SMYD3: variants seen among roughly 807,000 people sequenced by gnomAD.
The protein encoded by SMYD3 is histone-lysine N-methyltransferase SMYD3.
SMYD3 carries 36 observed loss-of-function variants against 57.7 expected under a neutral mutation model. The ratio of observed to expected loss-of-function variants is 0.62; its 90% CI spans 0.48 to 0.82. The LOEUF is 0.82. Among genes scored for constraint, SMYD3 ranks in the 40% least tolerant of loss-of-function variants. The pLI, the probability that SMYD3 is intolerant of heterozygous loss-of-function variation, is 0.00. For synonymous variants in SMYD3, 211 were observed against 195.0 expected, an observed-to-expected ratio of 1.08 and a Z score of -0.68; for missense variants, 515 against 538.8, an observed-to-expected ratio of 0.96 and a Z score of 0.44.
chr1:246,456,736 A>T (rs920127210), intron 1 of SMYD3, among the ~76,000 whole-genome samples: 1 of 152,238 alleles, frequency 6.6e-6, no homozygotes, highest in African/African-American at 2.4e-5. Flanking sequence ...AGTGATAGCC[A>T]AAATCCAAAG....
At chr1:246,224,762 A>C (rs1387544336) in intron 5 of SMYD3, among the ~76,000 whole-genome samples, 1 of 152,116 alleles carries the variant, frequency 6.6e-6, no homozygotes, top group Non-Finnish European at 1.5e-5. Flanking sequence ...AGAAAATGTT[A>C]ATAGGACTTG....
chr1:245,761,700 A>G lies in SMYD3; in HGVS notation c.1185+2341T>C, dbSNP rs146955458. ...TATTTAACTGGACCAGTCTAGAGGA[A>G]AAGAGCAGAGCCTTGGTTTCTGGCC... On this transcript the variant is annotated intron_variant, in intron 11 of 11. Transcript: ENST00000490107. Among the ~76,000 whole-genome samples the G allele has an allele frequency of 3.1e-3, 477 of 152,254 alleles. 1 individual carries two copies. The highest frequency in any genetic ancestry group is 0.021 in the Middle Eastern group (6 of 292).
At chr1:245,963,457 T>C (rs2058061575) in intron 5 of SMYD3, among the ~76,000 whole-genome samples, 1 of 151,938 alleles carries the variant, frequency 6.6e-6, no homozygotes, top group African/African-American at 2.4e-5. Context: ...GCTGGGGGTC[T>C]AGAATGAACA....
chr1:246,158,244 T>C (rs2062053914), intron 5 of SMYD3, among the ~76,000 whole-genome samples: 1 of 152,184 alleles, frequency 6.6e-6, no homozygotes, highest in East Asian at 1.9e-4. Context: ...ATGAAACAGC[T>C]CCGTTGGTTT....
chr1:246,146,169 G>A (rs972501315), intron 5 of SMYD3, among the ~76,000 whole-genome samples: 4 of 152,270 alleles, frequency 2.6e-5, no homozygotes, highest in Non-Finnish European at 2.9e-5. Context: ...CATGTTCTCC[G>A]ATAAGGAAAA....
chr1:246,102,886 A>G (rs1296683497), intron 5 of SMYD3, among the ~76,000 whole-genome samples: 3 of 152,174 alleles, frequency 2.0e-5, no homozygotes, highest in African/African-American at 2.4e-5. Context: ...CCCTGTCTCT[A>G]TCAAAACAAA....
rs143885627 is a variant in SMYD3, at chr1:246,090,518, C to CTTTTT, written c.532-160582_532-160581insAAAAA. Among the ~76,000 whole-genome samples, 4 of 121,762 alleles carry CTTTTT rather than the reference C, an allele frequency of 3.3e-5. 1 individual carries two copies. Among genetic ancestry groups the CTTTTT allele is most frequent in the Non-Finnish European group, 1.6e-5 (1 of 62,210 alleles). 79.9% of individuals were successfully genotyped at this position (121,762 alleles called of 152,430 possible). A position where few individuals can be genotyped will look rare whatever the true frequency, so the allele number is the denominator to read the frequency against. ...GAGAGAGAGCTGTTTTTCTTTCTCT[C>CTTTTT]TCTCTTTTTTTTTTTTTTAGATGGA... On this transcript the variant is annotated intron_variant, in intron 5 of 11. Coordinates refer to ENST00000490107, the MANE Select transcript of SMYD3 (RefSeq NM_001167740.2).
At chr1:245,797,596 G>A (rs566040712) in intron 10 of SMYD3, among the ~76,000 whole-genome samples, 3 of 151,740 alleles carry the variant, frequency 2.0e-5, no homozygotes, top group Non-Finnish European at 4.4e-5. Context: ...AATGGGTGCA[G>A]CACACCAACA....
chr1:246,432,289 G>T (rs766919541), intron 1 of SMYD3, among the ~76,000 whole-genome samples: 2 of 152,016 alleles, frequency 1.3e-5, no homozygotes, highest in Admixed American at 6.6e-5. Context: ...ATTTAACTTG[G>T]CTATCTTTAA....
chr1:245,938,030 T>C (rs373231915), intron 5 of SMYD3, among the ~76,000 whole-genome samples: 24 of 152,366 alleles, frequency 1.6e-4, no homozygotes, highest in East Asian at 1.3e-3. Flanking sequence ...AAGGTAAGAC[T>C]GCACACTAAT....
chr1:245,849,043 A>G (rs1312981916), intron 10 of SMYD3, among the ~76,000 whole-genome samples: 1 of 152,230 alleles, frequency 6.6e-6, no homozygotes, highest in African/African-American at 2.4e-5. Flanking sequence ...GGGCTGGGTG[A>G]AAGCTATAGC....
intron 1 of SMYD3, among the ~76,000 whole-genome samples, chr1:246,408,403 T>A (rs1237359584): frequency 1.3e-5 from 2 of 152,128 alleles, no homozygotes; most frequent in African/African-American, 4.8e-5. Flanking sequence ...TAAAAAGGGG[T>A]TTTGTGCTTA....
chr1:246,070,075 T>G (rs2060416545), intron 5 of SMYD3, among the ~76,000 whole-genome samples: 2 of 152,130 alleles, frequency 1.3e-5, no homozygotes, highest in South Asian at 4.2e-4. Flanking sequence ...CTGCCCGTCC[T>G]AGACTATCTT....
intron 5 of SMYD3, among the ~76,000 whole-genome samples, chr1:246,277,856 G>C (rs1004725491): frequency 6.6e-6 from 1 of 152,178 alleles, no homozygotes; most frequent in Non-Finnish European, 1.5e-5. Flanking sequence ...AGTGGTTGCT[G>C]CAGCCAGACG....
At chr1:245,945,252 G>C (rs972627606) in intron 5 of SMYD3, among the ~76,000 whole-genome samples, 1 of 152,098 alleles carries the variant, frequency 6.6e-6, no homozygotes, top group African/African-American at 2.4e-5. Flanking sequence ...CTAATGTCCA[G>C]AGTCTACAAG....
chr1:245,959,432 A>T (rs2057942598), intron 5 of SMYD3, among the ~76,000 whole-genome samples: 1 of 152,200 alleles, frequency 6.6e-6, no homozygotes, highest in East Asian at 1.9e-4. Context: ...ATAGTTAGAA[A>T]ACCTGGGTTC....
In SMYD3 at chr1:245,764,129, T is replaced by C. The variant is rs770069752; in HGVS notation, c.1097A>G (p.His366Arg). The change falls in exon 11 of 12, where the codon CAT becomes CGT. Residue 366 changes from histidine (H) to arginine (R), a missense_variant. His to Arg is a conservative substitution (Grantham distance 29). Coordinates refer to ENST00000490107, the MANE Select transcript of SMYD3 (RefSeq NM_001167740.2). ...EPYRIFFPGS[H>R]PVRGVQVMKV... ...CATCACTTGAACCCCTCTGACGGGA[T>C]GGCTTCCTGGGAAAAAAATCCTGGA... is the stretch of plus-strand genomic sequence containing the variant. The C allele has an allele frequency of 5.0e-6, 8 of 1,613,788 alleles. No individual in the cohort carries two copies. The African/African-American group carries it at 8.0e-5, about 16-fold the overall frequency.
intron 10 of SMYD3, among the ~76,000 whole-genome samples, chr1:245,764,622 G>A (rs752915306): frequency 1.3e-5 from 2 of 150,830 alleles, no homozygotes; most frequent in Non-Finnish European, 2.9e-5. Flanking sequence ...CCTTTTAACC[G>A]CAAAGCCCTT....
chr1:245,784,210 C>T (rs779891151), intron 10 of SMYD3, among the ~76,000 whole-genome samples: 1 of 152,222 alleles, frequency 6.6e-6, no homozygotes, highest in Non-Finnish European at 1.5e-5. Context: ...TCACTTACCA[C>T]ACTGCTGCCC....
Sources: allele counts gnomAD v4.1 joint callset (sites outside exome capture counted in the v4.1 genomes callset), GRCh38; gene constraint gnomAD v4.1.1; transcripts MANE v1.5; gene names NCBI Gene and HGNC (gene_info 2026-07-23, HGNC 2026-07-21).